VWA3B: variants seen among roughly 807,000 people sequenced by gnomAD.
The protein encoded by VWA3B is von Willebrand factor A domain containing 3B.
In VWA3B, 138 loss-of-function variants were observed where a neutral mutation model predicts 158.3. The ratio of observed to expected loss-of-function variants is 0.87; its 90% CI spans 0.76 to 1.00. The LOEUF (loss-of-function observed/expected upper bound fraction) is 1.00, where lower values mean the gene tolerates loss of function less well. VWA3B is among the 50% of genes least tolerant of loss of function. The probability of loss-of-function intolerance (pLI) is 0.00; values close to 1 mark genes in which losing one functional copy is unlikely to be tolerated. For synonymous variants in VWA3B, 596 were observed against 587.3 expected (o/e 1.01, Z -0.21); for missense variants, 1,555 against 1,565.1 (o/e 0.99, Z 0.11).
intron 4 of VWA3B, among the ~76,000 whole-genome samples, chr2:98,120,598 T>C (rs573369912): frequency 6.6e-4 from 101 of 152,224 alleles, no homozygotes; most frequent in African/African-American, 2.2e-3. Context: ...CAGACACGAG[T>C]GTGAGCCAGC....
chr2:98,193,463 A>G (rs1463633965), intron 11 of VWA3B, among the ~76,000 whole-genome samples: 1 of 152,214 alleles, frequency 6.6e-6, no homozygotes, highest in East Asian at 1.9e-4. Context: ...TGTGAACTGA[A>G]GCAGGTTGCC....
At chr2:98,240,285 C>G (rs886824356) in intron 19 of VWA3B, among the ~76,000 whole-genome samples, 5 of 152,182 alleles carry the variant, frequency 3.3e-5, no homozygotes, top group Admixed American at 3.3e-4. Flanking sequence ...AACATTTTGT[C>G]TTAGAGCCCT....
At chr2:98,206,483 A>G (rs1200722431) in intron 12 of VWA3B, 3 of 402,960 alleles carry the variant, frequency 7.4e-6, no homozygotes, top group African/African-American at 2.1e-5. Context: ...GGATTATGCT[A>G]TGAATGGTAC....
chr2:98,214,324 A>G (rs996115998), intron 13 of VWA3B, among the ~76,000 whole-genome samples: 3 of 152,140 alleles, frequency 2.0e-5, no homozygotes, highest in Non-Finnish European at 4.4e-5. Context: ...CAAGTCATCA[A>G]AAATTCTTCA....
At chr2:98,102,027 G>A (rs6721733) in intron 2 of VWA3B, among the ~76,000 whole-genome samples, 102 of 152,194 alleles carry the variant, frequency 6.7e-4, no homozygotes, top group Non-Finnish European at 1.2e-3. Context: ...GCGGCCTTCC[G>A]CAGTGTTTGT....
chr2:98,327,535 C>T, the VWA3B span, among the ~76,000 whole-genome samples: 1 of 152,174 alleles, frequency 6.6e-6, no homozygotes, highest in Non-Finnish European at 1.5e-5. Context: ...AATCAAAACT[C>T]TATGTAATTC....
intron 20 of VWA3B, among the ~76,000 whole-genome samples, chr2:98,253,664 T>G (rs1686943250): frequency 6.6e-6 from 1 of 152,156 alleles, no homozygotes; most frequent in Non-Finnish European, 1.5e-5. Context: ...GCCGGCTGCT[T>G]CTTGGCCTTC....
chr2:98,192,162 A>C (rs4851915), intron 10 of VWA3B: 1 of 152,304 alleles, frequency 6.6e-6, no homozygotes, highest in African/African-American at 2.4e-5. Context: ...ATAGTCTGAA[A>C]TCATAGCTGA....
intron 12 of VWA3B, among the ~76,000 whole-genome samples, chr2:98,196,027 A>G (rs1030551565): frequency 2.0e-5 from 3 of 152,234 alleles, no homozygotes; most frequent in Admixed American, 1.3e-4. Context: ...AAGAAAAAAC[A>G]CCACATGATC....
At chr2:98,246,629 G>A (rs181057416) in intron 19 of VWA3B, among the ~76,000 whole-genome samples, 80 of 152,018 alleles carry the variant, frequency 5.3e-4, no homozygotes, top group African/African-American at 9.7e-5. Flanking sequence ...TGATCTGCCC[G>A]CCTCGGCCTC....
At chr2:98,132,457 T>C (rs1675951688) in intron 6 of VWA3B, among the ~76,000 whole-genome samples, 1 of 152,238 alleles carries the variant, frequency 6.6e-6, no homozygotes, top group African/African-American at 2.4e-5. Context: ...CGGCTTCCCC[T>C]GTGCCAGAGG....
At chr2:98,330,093 C>T in the VWA3B span, among the ~76,000 whole-genome samples, 2 of 152,200 alleles carry the variant, frequency 1.3e-5, no homozygotes, top group Admixed American at 6.5e-5. Flanking sequence ...GCTGCTCTCA[C>T]GTGGGTCTCC....
rs2305355 is a variant in VWA3B at position 98,119,762 on chromosome 2, C to T, written c.541C>T (p.Arg181Trp). The T allele has an allele frequency of 0.078, 125,952 of 1,612,976 alleles. 6,040 individuals are homozygous for T. The highest frequency in any genetic ancestry group is 0.21 in the African/African-American group (16,008 of 74,888). ...TCACATAACCGAGTTCAATATCATA[C>T]GGTGAGTTCCCATAGGAAGGGAGTA... ...VAHITEFNII[R>W]VSQEPVKWQE... The change falls in exon 4 of 28, where the codon CGG becomes TGG. Residue 181 changes from arginine to tryptophan, a missense_variant and splice_region_variant. By Grantham distance (101) the Arg-to-Trp change is moderately radical. Transcript: ENST00000477737.
intron 8 of VWA3B, among the ~76,000 whole-genome samples, chr2:98,166,517 C>T (rs898606650): frequency 1.3e-5 from 2 of 152,134 alleles, no homozygotes; most frequent in African/African-American, 4.8e-5. Context: ...GTGGCCGTCT[C>T]CTAGCCGGGA....
At chr2:98,288,473 C>G (rs1689294203) in intron 22 of VWA3B, among the ~76,000 whole-genome samples, 1 of 152,166 alleles carries the variant, frequency 6.6e-6, no homozygotes, top group African/African-American at 2.4e-5. Flanking sequence ...CTTTGCTGTG[C>G]TGCTTTGAGT....
Position 98,312,533 on chromosome 2 carries a change from C to CGATTTA in VWA3B, c.*186_*187insTTTAGA. 1 of 685,022 alleles carries CGATTTA rather than the reference C, an allele frequency of 1.5e-6. No individual in the cohort carries two copies. The allele number at this position is 685,022 out of a possible 1,614,324, so 42.4% of individuals were successfully genotyped here. On this transcript the variant is annotated 3_prime_UTR_variant, in exon 28 of 28. Coordinates refer to ENST00000477737, the MANE Select transcript of VWA3B (RefSeq NM_144992.5). ...CCTGCTGCCTCCCCTACCCGTTTGA[C>CGATTTA]GACTTGGTTCTGGCTTTTTCTGACT... is the stretch of plus-strand genomic sequence containing the variant.
At chr2:98,324,427 T>C in the VWA3B span, among the ~76,000 whole-genome samples, 1 of 152,298 alleles carries the variant, frequency 6.6e-6, no homozygotes, top group South Asian at 2.1e-4. Context: ...CTTCCCAGAG[T>C]GCTGGGATTA....
chr2:98,168,091 AAAG>A (rs1679248047), intron 8 of VWA3B, among the ~76,000 whole-genome samples: 1 of 152,240 alleles, frequency 6.6e-6, no homozygotes, highest in Non-Finnish European at 1.5e-5. Context: ...CAAGGCATGA[AAAG>A]AAGCAGAAAA....
chr2:98,167,341 A>G (rs1196733173), intron 8 of VWA3B, among the ~76,000 whole-genome samples: 1 of 152,084 alleles, frequency 6.6e-6, no homozygotes, highest in Non-Finnish European at 1.5e-5. Context: ...TTAATTACCA[A>G]GAGCAGGACG....
Sources: allele counts gnomAD v4.1 joint callset (sites outside exome capture counted in the v4.1 genomes callset), GRCh38; gene constraint gnomAD v4.1.1; transcripts MANE v1.5; gene names NCBI Gene and HGNC (gene_info 2026-07-23, HGNC 2026-07-21).